Variants in MARCHF1 observed in about 807,000 individuals in gnomAD.
MARCHF1 encodes membrane associated ring-CH-type finger 1.
A neutral mutation model predicts 54.2 loss-of-function variants in MARCHF1; 40 were observed. The observed-to-expected ratio is 0.74, with a 90% CI of 0.57 to 0.96. The LOEUF is 0.96. Ranked by LOEUF, MARCHF1 falls within the 40% of genes least tolerant of loss-of-function variation. The pLI is 0.00. For synonymous variants in MARCHF1, 236 were observed against 236.3 expected, an observed-to-expected ratio of 1.00 and a Z score of 0.01; for missense variants, 586 against 656.5, an observed-to-expected ratio of 0.89 and a Z score of 1.17.
At chr4:164,041,833 TATA>T (rs1754135922) in intron 2 of MARCHF1, among the ~76,000 whole-genome samples, 1 of 152,164 alleles carries the variant, frequency 6.6e-6, no homozygotes, top group African/African-American at 2.4e-5. Context: ...CATGGTATGC[TATA>T]ATATTTCATT....
intron 1 of MARCHF1, among the ~76,000 whole-genome samples, chr4:164,214,093 TCCATGTAA>T (rs1731860558): frequency 6.6e-6 from 1 of 151,970 alleles, no homozygotes; most frequent in Non-Finnish European, 1.5e-5. Context: ...TTTTAAAACG[TCCATGTAA>T]ATATATATAT....
intron 1 of MARCHF1, among the ~76,000 whole-genome samples, chr4:164,343,529 A>G (rs926924879): frequency 2.0e-5 from 3 of 152,202 alleles, no homozygotes; most frequent in Non-Finnish European, 4.4e-5. Context: ...CAAAAAATTA[A>G]TAACTCCATC....
At chr4:164,068,276 C>T (rs986425016) in intron 2 of MARCHF1, among the ~76,000 whole-genome samples, 2 of 152,162 alleles carry the variant, frequency 1.3e-5, no homozygotes, top group Non-Finnish European at 2.9e-5. Flanking sequence ...CCTCCTCAGT[C>T]TTGGCACCCA....
intron 3 of MARCHF1, among the ~76,000 whole-genome samples, chr4:163,894,983 TATACATATATATGCATGTGATACACATAC>T (rs1560808228): frequency 7.2e-6 from 1 of 139,186 alleles, no homozygotes; most frequent in East Asian, 2.7e-4. Flanking sequence ...GATGCACACA[TATACATATATATGCATGTGATACACATAC>T]ACACACATAT....
intron 1 of MARCHF1, among the ~76,000 whole-genome samples, chr4:164,257,695 T>C (rs1733332252): frequency 6.6e-6 from 1 of 152,090 alleles, no homozygotes; most frequent in South Asian, 2.1e-4. Context: ...TGGCCAGGCA[T>C]GGCAGCTCAC....
At chr4:163,716,927 A>G (rs1185613227) in intron 4 of MARCHF1, among the ~76,000 whole-genome samples, 1 of 152,186 alleles carries the variant, frequency 6.6e-6, no homozygotes, top group Admixed American at 6.5e-5. Flanking sequence ...TTAATTTTTT[A>G]TTATTTTACT....
chr4:163,661,967 T>G (rs1236147677), intron 5 of MARCHF1, among the ~76,000 whole-genome samples: 5 of 152,102 alleles, frequency 3.3e-5, no homozygotes, highest in African/African-American at 1.2e-4. Context: ...TGGAAATAAC[T>G]TTATTTCAAA....
chr4:163,786,793 G>A (rs1258366617), intron 4 of MARCHF1, among the ~76,000 whole-genome samples: 1 of 151,824 alleles, frequency 6.6e-6, no homozygotes, highest in Non-Finnish European at 1.5e-5. Context: ...ATCTTGAAAA[G>A]AAAGAACAAA....
In MARCHF1 at chr4:163,528,478, C is replaced by T; in HGVS notation, c.*270G>A. ...GATTACTGCCTAAAAGCATTCATTG[C>T]CCCAGTAGTTCTTAATTGTCTTGGA... On this transcript the variant is annotated 3_prime_UTR_variant, in exon 10 of 10. Transcript: ENST00000514618. 1 of 410,116 alleles carries T rather than the reference C, an allele frequency of 2.4e-6. No individual in the cohort carries two copies. Among genetic ancestry groups the T allele is most frequent in the South Asian group, 3.9e-5 (1 of 25,888 alleles). 25.4% of individuals were successfully genotyped at this position (410,116 alleles called of 1,614,324 possible).
intron 5 of MARCHF1, among the ~76,000 whole-genome samples, chr4:163,675,502 G>A (rs77322595): frequency 0.02 from 3,023 of 152,236 alleles, 122 homozygotes; most frequent in African/African-American, 0.069. Flanking sequence ...GCTAGGACCC[G>A]ATTAAACTAG....
intron 2 of MARCHF1, among the ~76,000 whole-genome samples, chr4:164,092,889 CTT>C (rs1755334005): frequency 6.6e-6 from 1 of 152,074 alleles, no homozygotes; most frequent in Admixed American, 6.6e-5. Context: ...TAAAGCTTCT[CTT>C]ATTCCACATC....
intron 3 of MARCHF1, among the ~76,000 whole-genome samples, chr4:163,947,542 C>T (rs550412872): frequency 9.2e-5 from 14 of 152,200 alleles, no homozygotes; most frequent in East Asian, 1.9e-4. Flanking sequence ...ACACTGGACC[C>T]AGAGATGAGA....
intron 2 of MARCHF1, among the ~76,000 whole-genome samples, chr4:163,993,744 T>C (rs1483153562): frequency 6.6e-6 from 1 of 152,174 alleles, no homozygotes; most frequent in African/African-American, 2.4e-5. Flanking sequence ...TGCTCCTTTC[T>C]AATTTGTTGA....
intron 4 of MARCHF1, among the ~76,000 whole-genome samples, chr4:163,845,538 G>C (rs1023750501): frequency 1.3e-5 from 2 of 150,254 alleles, no homozygotes; most frequent in African/African-American, 4.9e-5. Flanking sequence ...CCCACCCACT[G>C]ATCCTCTGAA....
intron 4 of MARCHF1, among the ~76,000 whole-genome samples, chr4:163,785,944 G>A (rs1446353331): frequency 2.0e-5 from 3 of 151,994 alleles, no homozygotes; most frequent in East Asian, 1.9e-4. Context: ...GACACGGTCA[G>A]GGAAGATATT....
intron 5 of MARCHF1, among the ~76,000 whole-genome samples, chr4:163,616,485 C>T (rs1196627319): frequency 6.6e-6 from 1 of 151,898 alleles, no homozygotes; most frequent in Non-Finnish European, 1.5e-5. Context: ...GACAAATGGC[C>T]AATACATATA....
At chr4:164,066,538 A>C (rs1362030399) in intron 2 of MARCHF1, among the ~76,000 whole-genome samples, 2 of 152,214 alleles carry the variant, frequency 1.3e-5, no homozygotes, top group African/African-American at 2.4e-5. Flanking sequence ...CAGGAATACA[A>C]ATAATTGTAT....
intron 1 of MARCHF1, among the ~76,000 whole-genome samples, chr4:164,349,890 A>T (rs1316775229): frequency 1.3e-5 from 2 of 152,218 alleles, no homozygotes; most frequent in East Asian, 3.9e-4. Flanking sequence ...ACAATGTAAC[A>T]TAGTGGTTAA....
chr4:163,556,077 T>C, intron 8 of MARCHF1: 1 of 416,342 alleles, frequency 2.4e-6, no homozygotes, highest in Non-Finnish European at 4.8e-6. Flanking sequence ...ACTTACCCAG[T>C]CATTATTAGA....
Sources: gnomAD v4.1 joint callset for allele counts (sites outside exome capture counted in the v4.1 genomes callset) on GRCh38, gnomAD v4.1.1 for gene constraint, MANE v1.5 for transcripts, NCBI Gene and HGNC (gene_info 2026-07-23, HGNC 2026-07-21) for gene names.